Variants in USP24 observed in about 807,000 individuals in gnomAD.
USP24 encodes ubiquitin carboxyl-terminal hydrolase 24.
A neutral mutation model predicts 361.6 loss-of-function variants in USP24; 97 were observed. The ratio of observed to expected loss-of-function variants is 0.27; its 90% CI spans 0.23 to 0.32. The LOEUF (loss-of-function observed/expected upper bound fraction) is 0.32. USP24 is among the 10% of genes least tolerant of loss of function. The pLI is 1.00. For missense variants in USP24, 2,353 were observed against 3,165.6 expected (o/e 0.74, Z 6.16); for synonymous variants, 1,098 against 1,124.6 (o/e 0.98, Z 0.47).
chr1:55,182,096 G>A (rs1051377926), intron 1 of USP24, among the ~76,000 whole-genome samples: 3 of 152,188 alleles, frequency 2.0e-5, no homozygotes, highest in South Asian at 2.1e-4. Flanking sequence ...TCTGCTGCCA[G>A]GCTGGAGTGT....
intron 34 of USP24, 88 bp from the exon 35 acceptor site, chr1:55,124,716 T>G: frequency 1.4e-6 from 2 of 1,433,006 alleles, no homozygotes; most frequent in Non-Finnish European, 1.9e-6. Context: ...CTCAGTTTCA[T>G]ACGCCTCCTT....
At chr1:55,136,764 G>A (rs566795103) in intron 28 of USP24, among the ~76,000 whole-genome samples, 2 of 152,260 alleles carry the variant, frequency 1.3e-5, no homozygotes, top group East Asian at 3.9e-4. Flanking sequence ...GAAGAGATTT[G>A]GGGTGGGAGT....
chr1:55,100,327 T>C (rs774945464), intron 44 of USP24, among the ~76,000 whole-genome samples: 7 of 152,124 alleles, frequency 4.6e-5, no homozygotes, highest in South Asian at 2.1e-4. Flanking sequence ...AGAAACCCCA[T>C]CTCTACTGAA....
In USP24 at chr1:55,147,028, A is replaced by G; in HGVS notation, c.2151T>C (p.Phe717=). The G allele has an allele frequency of 6.3e-7, 1 of 1,593,582 alleles. No homozygotes were observed. The highest frequency in any genetic ancestry group is 8.5e-7 in the Non-Finnish European group (1 of 1,172,764). Residue 717 remains phenylalanine (F), a synonymous_variant, in exon 19 of 68, where the codon TTT becomes TTC. Coordinates refer to ENST00000294383, the MANE Select transcript of USP24 (RefSeq NM_015306.3). The part of the protein sequence containing the change: ...YLEAHLKFLA[F]FLQEATLYLG... The stretch of plus-strand genomic sequence containing the variant: ...GATACAGAGTAGCTTCTTGCAAGAA[A>G]AACGCTAGAAATTTTAGATGTGCCT...
In USP24 at chr1:55,068,944, C is replaced by G. The variant is rs1219532735; in HGVS notation, c.*101G>C. 6 of 1,289,228 alleles carry G rather than the reference C, an allele frequency of 4.7e-6. No homozygotes were observed. Among genetic ancestry groups the G allele is most frequent in the African/African-American group, 1.5e-5 (1 of 67,682 alleles). 79.9% of individuals were successfully genotyped at this position (1,289,228 alleles called of 1,614,324 possible). ...CCCAAGTCACAGCAGCTTTCCCAGT[C>G]CAATCTCCAGGCTCTTCCAAAGGGT... On this transcript the variant is annotated 3_prime_UTR_variant, in exon 68 of 68. Coordinates refer to ENST00000294383, the MANE Select transcript of USP24 (RefSeq NM_015306.3).
chr1:55,178,717 AAATAAATAAAT>A lies in USP24; in HGVS notation c.325-596_325-586del, dbSNP rs1384369634. 4.8e-3 allele frequency among the ~76,000 whole-genome samples: 628 copies of A among 130,058 alleles called. 11 individuals are homozygous for A. Among genetic ancestry groups the A allele is most frequent in the African/African-American group, 0.023 (589 of 25,420 alleles). 85.3% of individuals were successfully genotyped at this position (130,058 alleles called of 152,430 possible). On this transcript the variant is annotated intron_variant, in intron 1 of 67. Transcript: ENST00000294383. The stretch of plus-strand genomic sequence containing the variant: ...TAAATAAATAAATAAATAAATAAAT[AAATAAATAAAT>A]AAAAAGAACTGTCTAGGCCGGACAT...
intron 1 of USP24, among the ~76,000 whole-genome samples, chr1:55,182,372 T>C (rs1321992803): frequency 6.6e-6 from 1 of 152,118 alleles, no homozygotes; most frequent in African/African-American, 2.4e-5. Flanking sequence ...TTCTTGATCT[T>C]GGACTTCTAG....
chr1:55,178,129 T>A lies in USP24; in HGVS notation c.328A>T (p.Asn110Tyr). The stretch of plus-strand genomic sequence containing the variant: ...CCTGAGCAGTTTCCATTCTCATCAT[T>A]CTTCTGACGAAAAGGGATTAAGATA... The part of the protein sequence containing the change: ...AYHEVVDAEK[N>Y]DENGNCSGEG... Residue 110 changes from asparagine to tyrosine, a missense_variant, in exon 2 of 68, where the codon AAT becomes TAT. Physicochemically the swap from Asn to Tyr is moderately radical, Grantham distance 143 (BLOSUM62 -2). Transcript: ENST00000294383. 2 of 1,547,806 alleles carry A rather than the reference T, an allele frequency of 1.3e-6. No individual in the cohort carries two copies. Among genetic ancestry groups the A allele is most frequent in the Non-Finnish European group, 1.7e-6 (2 of 1,146,274 alleles).
chr1:55,084,533 T>C (rs1645212015), intron 56 of USP24: 1 of 152,346 alleles, frequency 6.6e-6, no homozygotes, highest in South Asian at 2.1e-4. Context: ...ATCTGTGATC[T>C]AGATTTAAGA....
intron 7 of USP24, 75 bp from the exon 8 acceptor site, chr1:55,162,339 T>C (rs1648377284): frequency 1.5e-6 from 2 of 1,334,418 alleles, no homozygotes; most frequent in Non-Finnish European, 2.0e-6. Flanking sequence ...AAATCCCTTT[T>C]CATGTATCAG....
Position 55,159,054 on chromosome 1 carries a change from CA to C in USP24, c.1069-19del, listed in dbSNP as rs375851730. On this transcript the variant is annotated intron_variant, in intron 9 of 67. Transcript: ENST00000294383. ...ACCAATCTCTTTTATTGAATAAAAA[CA>C]AAAAAACAAAAAAGGAACTGTAAAA... 4.2e-6 allele frequency: 6 copies of C among 1,431,994 alleles called. No homozygotes were observed. The highest frequency in any genetic ancestry group is 1.5e-5 in the South Asian group (1 of 65,346). 88.7% of individuals were successfully genotyped at this position (1,431,994 alleles called of 1,614,324 possible). A position where few individuals can be genotyped will look rare whatever the true frequency, so the allele number is the denominator to read the frequency against.
intron 1 of USP24, among the ~76,000 whole-genome samples, chr1:55,187,185 C>A (rs575164655): frequency 5.3e-5 from 8 of 152,048 alleles, no homozygotes; most frequent in Non-Finnish European, 1.5e-5. Context: ...TAAAAAATCA[C>A]GAGATCATCT....
chr1:55,202,266 T>C (rs868750322), intron 1 of USP24, among the ~76,000 whole-genome samples: 1 of 152,168 alleles, frequency 6.6e-6, no homozygotes, highest in Non-Finnish European at 1.5e-5. Context: ...TACATCCCGG[T>C]TGATATTTGC....
chr1:55,102,886 T>C (rs1382660646), intron 42 of USP24, among the ~76,000 whole-genome samples: 1 of 152,174 alleles, frequency 6.6e-6, no homozygotes, highest in Non-Finnish European at 1.5e-5. Context: ...TTTTGATCAA[T>C]CAAAACCATT....
At chr1:55,162,554 A>AT (rs1270090145) in intron 7 of USP24, among the ~76,000 whole-genome samples, 5 of 152,270 alleles carry the variant, frequency 3.3e-5, no homozygotes, top group Non-Finnish European at 4.4e-5. Context: ...AATACTATAC[A>AT]TTTTTTTAAA....
chr1:55,085,118 C>T (rs1420816370), intron 56 of USP24, among the ~76,000 whole-genome samples: 1 of 152,212 alleles, frequency 6.6e-6, no homozygotes, highest in Non-Finnish European at 1.5e-5. Context: ...GCTATTTAAG[C>T]TGATCAAAAC....
At chr1:55,166,271 A>G (rs970105041) in intron 6 of USP24, among the ~76,000 whole-genome samples, 16 of 151,892 alleles carry the variant, frequency 1.1e-4, no homozygotes, top group African/African-American at 3.6e-4. Context: ...TAAGCAAGGA[A>G]CTAAAGCTAA....
chr1:55,109,374 T>C (rs890953790), intron 39 of USP24, among the ~76,000 whole-genome samples: 2 of 152,230 alleles, frequency 1.3e-5, no homozygotes, highest in African/African-American at 4.8e-5. Context: ...TATGTGTCCA[T>C]TACATGATGG....
chr1:55,184,245 T>C (rs1011182049), intron 1 of USP24, among the ~76,000 whole-genome samples: 2 of 152,012 alleles, frequency 1.3e-5, no homozygotes, highest in African/African-American at 4.8e-5. Context: ...TTTATAGAGA[T>C]GGGGTTTTGC....
Sources: gnomAD v4.1 joint callset for allele counts (sites outside exome capture counted in the v4.1 genomes callset) on GRCh38, gnomAD v4.1.1 for gene constraint, MANE v1.5 for transcripts, NCBI Gene and HGNC (gene_info 2026-07-23, HGNC 2026-07-21) for gene names.